Variants in PUS10 observed in about 807,000 individuals in gnomAD.
PUS10 encodes the protein pseudouridine synthase 10.
Under a neutral mutation model 75.0 loss-of-function variants are expected in PUS10, and 59 were observed. The ratio of observed to expected loss-of-function variants is 0.79; its 90% CI spans 0.64 to 0.98. The LOEUF (loss-of-function observed/expected upper bound fraction) is 0.98, where lower values mean the gene tolerates loss of function less well. PUS10 is among the 50% of genes least tolerant of loss of function. PUS10 has a pLI of 0.00. For synonymous variants in PUS10, 219 were observed against 211.6 expected, an observed-to-expected ratio of 1.03 and a Z score of -0.30; for missense variants, 650 against 614.4, an observed-to-expected ratio of 1.06 and a Z score of -0.61.
intron 5 of PUS10, among the ~76,000 whole-genome samples, chr2:60,971,315 T>G (rs1676646888): frequency 6.6e-6 from 1 of 152,182 alleles, no homozygotes; most frequent in Non-Finnish European, 1.5e-5. Context: ...GAACCTGCTT[T>G]AATAAACTAC....
chr2:60,991,455 A>G (rs1028483655), intron 4 of PUS10, among the ~76,000 whole-genome samples: 2 of 152,104 alleles, frequency 1.3e-5, no homozygotes, highest in African/African-American at 4.8e-5. Flanking sequence ...GGAAAGATAA[A>G]AGTATTTATT....
intron 4 of PUS10, among the ~76,000 whole-genome samples, chr2:60,995,585 C>G (rs551243599): frequency 2.6e-5 from 4 of 152,254 alleles, no homozygotes; most frequent in South Asian, 2.1e-4. Context: ...TTTTCAGCAA[C>G]TTAACTACGC....
rs1558902806 is a variant in PUS10, at chr2:60,965,415, CA to C, written c.677+7del. ...TACACCATTGACGTTGTTTACATGGCAACTTACAGGAAGTGGCAATCCTCAA... is the reference window on the plus strand; with the variant it reads ...TACACCATTGACGTTGTTTACATGGCACTTACAGGAAGTGGCAATCCTCAA... On this transcript the variant is annotated splice_region_variant and intron_variant, in intron 7 of 17. Coordinates refer to ENST00000316752, the MANE Select transcript of PUS10 (RefSeq NM_144709.4). The C allele has an allele frequency of 6.2e-7, 1 of 1,607,306 alleles. No individual in the cohort carries two copies. Among genetic ancestry groups the C allele is most frequent in the Non-Finnish European group, 8.5e-7 (1 of 1,175,702 alleles).
In PUS10 at chr2:61,011,695, C is replaced by G. The variant is rs1679606942; in HGVS notation, c.126+70G>C. 32 of 1,173,432 alleles carry G rather than the reference C, an allele frequency of 2.7e-5. No homozygotes were observed. The South Asian group carries it at 5.4e-4, about 20-fold the overall frequency. The allele number at this position is 1,173,432 out of a possible 1,614,324, so 72.7% of individuals were successfully genotyped here. A position where few individuals can be genotyped will look rare whatever the true frequency, so the allele number is the denominator to read the frequency against. The stretch of plus-strand genomic sequence containing the variant: ...GAATAGATACCTGCCCTCAAAAGTA[C>G]AAGCATTCATTGTAAAATACAGAGA... On this transcript the variant is annotated intron_variant, in intron 2 of 17. Coordinates refer to ENST00000316752, the MANE Select transcript of PUS10 (RefSeq NM_144709.4).
At chr2:60,968,021 T>C (rs1676445953) in intron 5 of PUS10, among the ~76,000 whole-genome samples, 1 of 152,118 alleles carries the variant, frequency 6.6e-6, no homozygotes, top group African/African-American at 2.4e-5. Context: ...TGCTTGCTTT[T>C]CCCCTCTTGT....
At chr2:61,009,911 T>C (rs1679487584) in intron 2 of PUS10, 1 of 152,220 alleles carries the variant, frequency 6.6e-6, no homozygotes, top group South Asian at 2.1e-4. Flanking sequence ...TATACATACA[T>C]ACATACATAT....
At chr2:60,957,107 C>T (rs1334484524) in intron 11 of PUS10, among the ~76,000 whole-genome samples, 2 of 150,100 alleles carry the variant, frequency 1.3e-5, no homozygotes. Context: ...TATTAGTGTG[C>T]AATTATAAAT....
At chr2:60,955,569 T>C (rs1051844521) in intron 11 of PUS10, among the ~76,000 whole-genome samples, 4 of 152,170 alleles carry the variant, frequency 2.6e-5, no homozygotes, top group African/African-American at 9.7e-5. Context: ...ATTCAAGCTA[T>C]TCTCCTGCTT....
intron 17 of PUS10, among the ~76,000 whole-genome samples, chr2:60,943,141 A>G (rs1255461301): frequency 6.6e-6 from 1 of 152,020 alleles, no homozygotes; most frequent in African/African-American, 2.4e-5. Flanking sequence ...TCTTCTGATC[A>G]TTTTTATTCT....
At chr2:60,997,015 G>C (rs143778013) in intron 4 of PUS10, among the ~76,000 whole-genome samples, 103 of 152,304 alleles carry the variant, frequency 6.8e-4, no homozygotes, top group Non-Finnish European at 1.1e-3. Context: ...GGGGAGTCCT[G>C]TTCTAGCTGA....
At position 60,954,064 on chromosome 2, in the gene PUS10, T is replaced by C. The variant is rs769268155; in HGVS notation, c.1134+18A>G. On this transcript the variant is annotated intron_variant, in intron 13 of 17. Transcript: ENST00000316752. Reference sequence around the variant, plus strand: ...AATTGCAGAAACATGACGATTTCCATGGCATGAAGTGGTTTACCTGCTGAA... The same window carrying C: ...AATTGCAGAAACATGACGATTTCCACGGCATGAAGTGGTTTACCTGCTGAA... 6.2e-7 allele frequency: 1 copy of C among 1,612,788 alleles called. No individual in the cohort carries two copies. The highest frequency in any genetic ancestry group is 1.1e-5 in the South Asian group (1 of 91,056).
intron 1 of PUS10, 164 bp downstream of exon 1, chr2:61,017,844 A>T: frequency 6.4e-7 from 1 of 1,550,394 alleles, no homozygotes; most frequent in Non-Finnish European, 8.7e-7. Flanking sequence ...ACCGGGCCCC[A>T]CTTTCCAGTG....
chr2:61,006,053 T>C lies in PUS10; in HGVS notation c.468+504A>G, dbSNP rs563984857. 5.9e-5 allele frequency among the ~76,000 whole-genome samples: 9 copies of C among 152,348 alleles called. 1 individual carries two copies. In the South Asian group the frequency reaches 1.9e-3, roughly 32 times the overall value. Reference sequence around the variant, plus strand: ...ATAAGAATATTACAGCAGTGACTTTTTTTTTCACTTAACAAAGAAAACAGT... The same window carrying C: ...ATAAGAATATTACAGCAGTGACTTTCTTTTTCACTTAACAAAGAAAACAGT... On this transcript the variant is annotated intron_variant, in intron 4 of 17. Coordinates refer to ENST00000316752, the MANE Select transcript of PUS10 (RefSeq NM_144709.4).
At chr2:61,017,983 GC>G (rs755460383) in intron 1 of PUS10, 24 bp downstream of exon 1, 32 of 1,313,486 alleles carry the variant, frequency 2.4e-5, no homozygotes, top group Non-Finnish European at 3.2e-5. Context: ...GGGGATAGGG[GC>G]CGAGGTGGAG....
At chr2:61,003,604 G>C (rs1282757158) in intron 4 of PUS10, among the ~76,000 whole-genome samples, 1 of 151,408 alleles carries the variant, frequency 6.6e-6, no homozygotes, top group Admixed American at 6.6e-5. Context: ...GAGTACAGTG[G>C]TGTGATCATG....
intron 17 of PUS10, chr2:60,944,127 CAA>C (rs140811385): frequency 3.4e-3 from 1,872 of 551,298 alleles, no homozygotes; most frequent in Non-Finnish European, 3.8e-3. Context: ...GACCCTGTCT[CAA>C]AAAAAAAAAA....
At chr2:61,017,947 C>A in intron 1 of PUS10, 61 bp downstream of exon 1, 6 of 1,384,278 alleles carry the variant, frequency 4.3e-6, no homozygotes, top group Admixed American at 2.0e-5. Context: ...GTATTCCCTT[C>A]CCCCCTTTAA....
At chr2:60,965,255 G>C in intron 7 of PUS10, 152 bp from the exon 8 acceptor site, 3 of 991,866 alleles carry the variant, frequency 3.0e-6, no homozygotes, top group Non-Finnish European at 4.7e-6. Flanking sequence ...GTTTGCCCAG[G>C]AACTATGTTC....
chr2:60,972,394 C>T (rs1676745067), intron 4 of PUS10, among the ~76,000 whole-genome samples: 1 of 151,474 alleles, frequency 6.6e-6, no homozygotes, highest in Non-Finnish European at 1.5e-5. Flanking sequence ...GGCGTGAACC[C>T]GGGAGGCGGA....
Sources: gnomAD v4.1 joint callset for allele counts (sites outside exome capture counted in the v4.1 genomes callset) on GRCh38, gnomAD v4.1.1 for gene constraint, MANE v1.5 for transcripts, NCBI Gene and HGNC (gene_info 2026-07-23, HGNC 2026-07-21) for gene names.